The following CHLSN variants were observed in gnomAD, a reference collection of about 807,000 sequenced individuals.
The protein encoded by CHLSN is protein cholesin.
chr7:993,109 T>G, the CHLSN span, among the ~76,000 whole-genome samples: 2 of 152,162 alleles, frequency 1.3e-5, no homozygotes, highest in African/African-American at 4.8e-5. Context: ...GGTTTGAGGC[T>G]GCACTCAGCT....
the CHLSN span, among the ~76,000 whole-genome samples, chr7:1,039,044 T>G: frequency 1.4e-5 from 1 of 73,496 alleles, no homozygotes; most frequent in Non-Finnish European, 2.9e-5. Flanking sequence ...AGCCGCCCCG[T>G]CCGGGAGGGA....
At chr7:994,019 G>A in the CHLSN span, among the ~76,000 whole-genome samples, 1 of 152,282 alleles carries the variant, frequency 6.6e-6, no homozygotes, top group Non-Finnish European at 1.5e-5. Context: ...CCTGCTCTGC[G>A]TGTTCGCACC....
chr7:1,041,984 C>T, the CHLSN span, among the ~76,000 whole-genome samples: 1 of 152,228 alleles, frequency 6.6e-6, no homozygotes, highest in East Asian at 1.9e-4. Flanking sequence ...GCGGCCCCAA[C>T]ATCTCCGTGA....
the CHLSN span, among the ~76,000 whole-genome samples, chr7:1,070,630 C>T: frequency 1.4e-5 from 2 of 142,128 alleles, no homozygotes; most frequent in South Asian, 2.3e-4. Flanking sequence ...ACGCACACAA[C>T]ACGCACACGG....
chr7:1,086,885 C>T, the CHLSN span: 1 of 152,316 alleles, frequency 6.6e-6, no homozygotes. Context: ...GGGAAAACGA[C>T]ACCTAGAAGT....
At chr7:1,016,327 GCACAGCAGCA>G in the CHLSN span, among the ~76,000 whole-genome samples, 3 of 41,900 alleles carry the variant, frequency 7.2e-5, 1 homozygote, top group South Asian at 6.4e-4. Context: ...GCACACAGCA[GCACAGCAGCA>G]CACAGCAGCG....
the CHLSN span, among the ~76,000 whole-genome samples, chr7:1,052,735 G>C: frequency 6.6e-6 from 1 of 152,128 alleles, no homozygotes; most frequent in African/African-American, 2.4e-5. This position sits in a 1 kb window ranked among gnomAD's most constrained non-coding sequence, Gnocchi z 4.2. Flanking sequence ...CCACCGGGCA[G>C]GCAGTGCTCA....
chr7:1,098,723 C>T, the CHLSN span, among the ~76,000 whole-genome samples: 1 of 152,160 alleles, frequency 6.6e-6, no homozygotes, highest in Non-Finnish European at 1.5e-5. Context: ...TGAGATAAAG[C>T]AGACACGAGC....
the CHLSN span, chr7:985,465 A>C: frequency 2.1e-6 from 2 of 973,732 alleles, no homozygotes; most frequent in Non-Finnish European, 3.0e-6. Context: ...CAAGGGCCTG[A>C]ATCAGGACCC....
At chr7:1,067,221 C>T in the CHLSN span, among the ~76,000 whole-genome samples, 1 of 143,060 alleles carries the variant, frequency 7.0e-6, no homozygotes, top group African/African-American at 2.6e-5. Flanking sequence ...TGGAGTGCAC[C>T]CCAGAAGTGA....
the CHLSN span, among the ~76,000 whole-genome samples, chr7:1,016,909 C>CCAGCGCACAGCAGCACACAG: frequency 1.2e-5 from 1 of 85,204 alleles, no homozygotes; most frequent in African/African-American, 5.6e-5. Context: ...GCAGCACACG[C>CCAGCGCACAGCAGCACACAG]CAGCGCACAG....
At chr7:1,058,311 G>T in the CHLSN span, 2 of 775,884 alleles carry the variant, frequency 2.6e-6, no homozygotes, top group East Asian at 4.8e-5. Context: ...AGGGAAGCCC[G>T]TGGACGCACA....
At chr7:1,116,412 T>A in the CHLSN span, among the ~76,000 whole-genome samples, 2 of 139,102 alleles carry the variant, frequency 1.4e-5, no homozygotes, top group Non-Finnish European at 3.0e-5. Context: ...ATGACATGAC[T>A]GCAGCTCTAC....
At chr7:1,022,891 G>A in the CHLSN span, 235,969 of 401,798 alleles carry the variant, frequency 0.59, 70,292 homozygotes, top group African/African-American at 0.69. Flanking sequence ...GCTACAAAGC[G>A]CGGCGACGTC....
the CHLSN span, among the ~76,000 whole-genome samples, chr7:1,017,082 G>A: frequency 6.6e-6 from 1 of 152,190 alleles, no homozygotes; most frequent in Non-Finnish European, 1.5e-5. Flanking sequence ...GGGGTCTGCG[G>A]AGAGCCCGGA....
the CHLSN span, among the ~76,000 whole-genome samples, chr7:1,048,123 G>A: frequency 1.3e-5 from 2 of 152,168 alleles, no homozygotes; most frequent in East Asian, 1.9e-4. Flanking sequence ...TGTCAAGGAC[G>A]AGCCAGTGTT....
the CHLSN span, chr7:1,025,596 G>A: frequency 6.6e-6 from 1 of 152,254 alleles, no homozygotes; most frequent in East Asian, 1.9e-4. Flanking sequence ...ACAGCTCCGT[G>A]TATTCTGAGG....
the CHLSN span, chr7:1,092,748 G>A: frequency 6.2e-7 from 1 of 1,613,668 alleles, no homozygotes; most frequent in South Asian, 1.1e-5. Context: ...TGTACATTGA[G>A]CAGAAAACAA....
the CHLSN span, among the ~76,000 whole-genome samples, chr7:994,381 G>A: frequency 1.3e-5 from 2 of 151,606 alleles, no homozygotes; most frequent in Admixed American, 6.6e-5. Flanking sequence ...GGCTGGTCTC[G>A]AACTCCTGAC....
Sources: gnomAD v4.1 joint callset for allele counts (sites outside exome capture counted in the v4.1 genomes callset) on GRCh38, gnomAD v4.1.1 for gene constraint, Gnocchi (gnomAD v3.1) non-coding constraint, MANE v1.5 for transcripts, NCBI Gene and HGNC (gene_info 2026-07-23, HGNC 2026-07-21) for gene names.